Variants in SH2D4B observed in about 807,000 individuals in gnomAD.
The protein encoded by SH2D4B is SH2 domain containing 4B.
Under a neutral mutation model 61.5 loss-of-function variants are expected in SH2D4B, and 45 were observed. The ratio of observed to expected loss-of-function variants is 0.73; its 90% CI spans 0.58 to 0.94. SH2D4B has a LOEUF of 0.94. SH2D4B is among the 40% of genes least tolerant of loss of function. The pLI is 0.00. For missense variants in SH2D4B, 572 were observed against 574.2 expected (o/e 1.00, Z 0.04); for synonymous variants, 224 against 220.4 (o/e 1.02, Z -0.14).
intron 6 of SH2D4B, among the ~76,000 whole-genome samples, chr10:80,632,277 T>C (rs531859706): frequency 2.0e-5 from 3 of 152,240 alleles, no homozygotes; most frequent in African/African-American, 7.2e-5. Flanking sequence ...TTTTTAAGTG[T>C]TCTTACCACA....
chr10:80,616,624 C>A (rs1031241044), intron 6 of SH2D4B, among the ~76,000 whole-genome samples: 3 of 152,134 alleles, frequency 2.0e-5, no homozygotes, highest in Non-Finnish European at 4.4e-5. Context: ...CACGAAGGTA[C>A]CTTTTGGATC....
At chr10:80,553,498 G>C (rs907206147) in intron 1 of SH2D4B, among the ~76,000 whole-genome samples, 1 of 152,198 alleles carries the variant, frequency 6.6e-6, no homozygotes. Flanking sequence ...AGGGGTTGGA[G>C]GTGGGGCGTT....
chr10:80,558,548 T>G (rs11186045), intron 1 of SH2D4B, among the ~76,000 whole-genome samples: 32,360 of 152,068 alleles, frequency 0.21, 4,088 homozygotes, highest in African/African-American at 0.35. Flanking sequence ...TGGTTCAGTC[T>G]TGGGTCACTG....
At chr10:80,546,206 G>A (rs888462706) in intron 1 of SH2D4B, among the ~76,000 whole-genome samples, 2 of 128,722 alleles carry the variant, frequency 1.6e-5, no homozygotes, top group Non-Finnish European at 3.1e-5. Flanking sequence ...CACCATGCAC[G>A]GCTAATTTTT....
intron 3 of SH2D4B, among the ~76,000 whole-genome samples, chr10:80,571,835 C>T (rs1842050457): frequency 6.7e-6 from 1 of 148,526 alleles, no homozygotes; most frequent in South Asian, 2.1e-4. Context: ...TGCAGTGGCG[C>T]AGTCTCGGCT....
intron 6 of SH2D4B, among the ~76,000 whole-genome samples, chr10:80,613,876 T>C (rs946172327): frequency 6.6e-6 from 1 of 152,164 alleles, no homozygotes; most frequent in Non-Finnish European, 1.5e-5. Flanking sequence ...GGGTCTAGAA[T>C]GGGCCCCACA....
intron 3 of SH2D4B, among the ~76,000 whole-genome samples, chr10:80,586,647 G>A (rs1842253681): frequency 6.6e-6 from 1 of 152,114 alleles, no homozygotes; most frequent in Non-Finnish European, 1.5e-5. Flanking sequence ...TCTGTAAAAT[G>A]GACCAATCAG....
chr10:80,565,206 G>C (rs1410975214), intron 1 of SH2D4B, among the ~76,000 whole-genome samples: 1 of 152,066 alleles, frequency 6.6e-6, no homozygotes, highest in African/African-American at 2.4e-5. Flanking sequence ...CGTCCACAAG[G>C]ACTCAAATAG....
In SH2D4B at chr10:80,566,080, G is replaced by A. The variant is rs1220076980; in HGVS notation, c.185-4074G>A. On this transcript the variant is annotated intron_variant, in intron 1 of 7. Transcript: ENST00000646907. ...CACTCCAGCCTGGGTGACAGAGCGAGACTCCGGCTCAAAAAAAAAAAAAAA... is the reference window on the plus strand; with the variant it reads ...CACTCCAGCCTGGGTGACAGAGCGAAACTCCGGCTCAAAAAAAAAAAAAAA... 1.9e-4 allele frequency among the ~76,000 whole-genome samples: 17 copies of A among 90,370 alleles called. No individual in the cohort carries two copies. In the East Asian group the frequency reaches 6.2e-3, roughly 33 times the overall value. 59.3% of individuals were successfully genotyped at this position (90,370 alleles called of 152,430 possible).
chr10:80,633,141 C>T (rs576092436), intron 6 of SH2D4B, among the ~76,000 whole-genome samples: 32 of 150,988 alleles, frequency 2.1e-4, no homozygotes, highest in African/African-American at 6.9e-4. Flanking sequence ...GGAGTGGCTT[C>T]GGGGATTGGG....
intron 6 of SH2D4B, among the ~76,000 whole-genome samples, chr10:80,623,614 C>T (rs1324569566): frequency 2.0e-5 from 3 of 152,150 alleles, no homozygotes; most frequent in Non-Finnish European, 4.4e-5. Flanking sequence ...GTTGCACTGC[C>T]TGTTCTTATT....
Position 80,603,708 on chromosome 10 carries a change from A to T in SH2D4B, c.773A>T (p.Glu258Val), listed in dbSNP as rs548466013. Residue 258 changes from glutamate (E) to valine (V), a missense_variant, in exon 5 of 8, where the codon GAG (glutamate) becomes GTG (valine). Physicochemically the swap from Glu to Val is moderately radical, Grantham distance 121 (BLOSUM62 -2). Coordinates refer to ENST00000646907, the MANE Select transcript of SH2D4B (RefSeq NM_001388272.1). ...GCTGGCCTCAGCTCCATGTTCCGGGAGCTTGGCCAGAGCCATGAGCAGGAG... is the reference window on the plus strand; with the variant it reads ...GCTGGCCTCAGCTCCATGTTCCGGGTGCTTGGCCAGAGCCATGAGCAGGAG... The part of the protein sequence containing the change: ...TVAGLSSMFR[E>V]LGQSHEQEAR... 50 of 1,613,456 alleles carry T rather than the reference A, an allele frequency of 3.1e-5. No homozygotes were observed. The highest frequency in any genetic ancestry group is 1.5e-4 in the Admixed American group (9 of 59,994).
At chr10:80,558,868 C>A (rs938169276) in intron 1 of SH2D4B, among the ~76,000 whole-genome samples, 1 of 152,142 alleles carries the variant, frequency 6.6e-6, no homozygotes, top group Non-Finnish European at 1.5e-5. Flanking sequence ...TATGTGCAAC[C>A]ATTTGTTGCT....
At position 80,634,317 on chromosome 10, in the gene SH2D4B, C is replaced by A; in HGVS notation, c.1021C>A (p.Leu341Met). The change falls in exon 7 of 8, where the codon CTG becomes ATG. Residue 341 changes from leucine (L) to methionine (M), a missense_variant. Coordinates refer to ENST00000646907, the MANE Select transcript of SH2D4B (RefSeq NM_001388272.1). Reference sequence around the variant, plus strand: ...TAGCCGAGAAGATGCAGAAGCTCTCCTGGAGAACATGACTGAGGGAGCATT... The same window carrying A: ...TAGCCGAGAAGATGCAGAAGCTCTCATGGAGAACATGACTGAGGGAGCATT... Reference protein sequence around the residue: ...IISREDAEALLENMTEGAFLV... With the variant: ...IISREDAEALMENMTEGAFLV... 1 of 1,539,480 alleles carries A rather than the reference C, an allele frequency of 6.5e-7. No homozygotes were observed. Among genetic ancestry groups the A allele is most frequent in the Non-Finnish European group, 8.8e-7 (1 of 1,140,088 alleles).
chr10:80,635,025 T>G (rs1842880887), intron 7 of SH2D4B, among the ~76,000 whole-genome samples: 2 of 152,154 alleles, frequency 1.3e-5, no homozygotes, highest in South Asian at 4.1e-4. Flanking sequence ...AGCCAGCACC[T>G]TAGTCTCACC....
Position 80,644,770 on chromosome 10 carries a change from C to T in SH2D4B, c.*685C>T, listed in dbSNP as rs1386510229. On this transcript the variant is annotated 3_prime_UTR_variant, in exon 8 of 8. Transcript: ENST00000646907. ...GAATCATATTTTGGCCTTGGTTTTG[C>T]AATGGTTTTATGTCATCCTACAGAT... The T allele has an allele frequency of 6.6e-6, 1 of 152,174 alleles. No homozygotes were observed. The highest frequency in any genetic ancestry group is 1.9e-4 in the East Asian group (1 of 5,202). The allele number at this position is 152,174 out of a possible 1,614,324, so 9.4% of individuals were successfully genotyped here. A position where few individuals can be genotyped will look rare whatever the true frequency, so the allele number is the denominator to read the frequency against.
chr10:80,605,086 T>C (rs906253000), intron 5 of SH2D4B, among the ~76,000 whole-genome samples: 5 of 152,114 alleles, frequency 3.3e-5, no homozygotes, highest in African/African-American at 4.8e-5. Flanking sequence ...AGCCACTGCG[T>C]CCGGCTCTGT....
At chr10:80,635,915 G>A (rs1228475013) in intron 7 of SH2D4B, among the ~76,000 whole-genome samples, 2 of 152,018 alleles carry the variant, frequency 1.3e-5, no homozygotes, top group African/African-American at 2.4e-5. Context: ...CGTCATTTAC[G>A]TTAGGTATTT....
chr10:80,583,367 A>C (rs1842205776), intron 3 of SH2D4B, among the ~76,000 whole-genome samples: 1 of 152,132 alleles, frequency 6.6e-6, no homozygotes, highest in African/African-American at 2.4e-5. Context: ...AGGAAGTAGA[A>C]GAAAAAAGAC....
Sources: allele counts gnomAD v4.1 joint callset (sites outside exome capture counted in the v4.1 genomes callset), GRCh38; gene constraint gnomAD v4.1.1; transcripts MANE v1.5; gene names NCBI Gene and HGNC (gene_info 2026-07-23, HGNC 2026-07-21).